Variants in BCAS3 observed in about 807,000 individuals in gnomAD.
The protein encoded by BCAS3 is BCAS3 microtubule associated cell migration factor.
In BCAS3, 53 loss-of-function variants were observed where a neutral mutation model predicts 116.1. The ratio of observed to expected loss-of-function variants is 0.46; its 90% CI spans 0.37 to 0.57. BCAS3 has a LOEUF of 0.57. BCAS3 is among the 20% of genes least tolerant of loss of function. BCAS3 has a pLI of 0.00. For missense variants in BCAS3, 917 were observed against 1,165.4 expected (o/e 0.79, Z 3.10); for synonymous variants, 391 against 408.2 (o/e 0.96, Z 0.51).
intron 22 of BCAS3, among the ~76,000 whole-genome samples, chr17:61,110,227 A>C (rs1386680404): frequency 6.6e-6 from 1 of 152,184 alleles, no homozygotes; most frequent in Non-Finnish European, 1.5e-5. Flanking sequence ...TTTAAAAATT[A>C]TGGGGGGAGG....
At chr17:60,756,319 C>A (rs2042980798) in intron 6 of BCAS3, among the ~76,000 whole-genome samples, 1 of 152,170 alleles carries the variant, frequency 6.6e-6, no homozygotes, top group Non-Finnish European at 1.5e-5. Context: ...TAATGCTCAC[C>A]CACAGGCCAT....
intron 4 of BCAS3, among the ~76,000 whole-genome samples, chr17:60,692,576 T>C (rs1442494450): frequency 6.7e-6 from 1 of 149,350 alleles, no homozygotes; most frequent in East Asian, 1.9e-4. Context: ...GCATGTTGAA[T>C]ATTGAAACAG....
In BCAS3 at chr17:61,200,702, T is replaced by C. The variant is rs1221259790; in HGVS notation, c.2425+116138T>C. On this transcript the variant is annotated intron_variant, in intron 22 of 23. Transcript: ENST00000407086. This position sits in a 1 kb window ranked among gnomAD's most constrained non-coding sequence, Gnocchi z 5.1. ...TAGTATCTTTTTACTATTATCTTGC[T>C]TCTGTTTCAGCCAAAATTTGGATTT... Among the ~76,000 whole-genome samples the C allele has an allele frequency of 1.4e-4, 22 of 152,242 alleles. No individual in the cohort carries two copies. The highest frequency in any genetic ancestry group is 1.4e-3 in the Admixed American group (22 of 15,288).
rs1724097806 is a variant in BCAS3 at position 61,045,894 on chromosome 17, A to ATT, written c.2029+5002_2029+5003insTT. The stretch of plus-strand genomic sequence containing the variant: ...ATATATAAATATATATTATATATAT[A>ATT]ATATATATAAATATATATTTATATA... On this transcript the variant is annotated intron_variant, in intron 19 of 23. Transcript: ENST00000407086. Among the ~76,000 whole-genome samples, 4 of 34,908 alleles carry ATT rather than the reference A, an allele frequency of 1.1e-4. 2 individuals carry two copies. In the African/African-American group the frequency reaches 2.0e-3, roughly 17 times the overall value. The allele number at this position is 34,908 out of a possible 152,430, so 22.9% of individuals were successfully genotyped here. A position where few individuals can be genotyped will look rare whatever the true frequency, so the allele number is the denominator to read the frequency against.
chr17:60,934,760 T>G (rs1478279854), intron 13 of BCAS3, among the ~76,000 whole-genome samples: 1 of 152,224 alleles, frequency 6.6e-6, no homozygotes, highest in Non-Finnish European at 1.5e-5. Flanking sequence ...AGATATATAT[T>G]CATTTCAAAG....
intron 22 of BCAS3, among the ~76,000 whole-genome samples, chr17:61,290,857 T>G (rs2144701857): frequency 6.6e-6 from 1 of 152,288 alleles, no homozygotes; most frequent in East Asian, 1.9e-4. Flanking sequence ...CTCGGCTCAC[T>G]GTGAGCTCCG....
chr17:61,153,212 A>G (rs1240106249), intron 22 of BCAS3, among the ~76,000 whole-genome samples: 1 of 152,100 alleles, frequency 6.6e-6, no homozygotes, highest in Non-Finnish European at 1.5e-5. Flanking sequence ...ATTGTAACTA[A>G]CTTGTTGTTC....
intron 6 of BCAS3, among the ~76,000 whole-genome samples, chr17:60,763,674 C>G (rs1193582870): frequency 6.6e-6 from 1 of 152,174 alleles, no homozygotes; most frequent in Non-Finnish European, 1.5e-5. Context: ...TGTTGTGTCT[C>G]TGCCAGGCTT....
intron 15 of BCAS3, among the ~76,000 whole-genome samples, chr17:61,015,093 A>G (rs765530108): frequency 5.9e-5 from 9 of 152,186 alleles, no homozygotes; most frequent in Admixed American, 2.6e-4. Context: ...TGTAATCCCT[A>G]TCAAAAACTC....
rs1441131580 is a variant in BCAS3 at position 61,171,201 on chromosome 17, A to G, written c.2425+86637A>G. Among the ~76,000 whole-genome samples the G allele has an allele frequency of 6.6e-5, 10 of 152,238 alleles. No homozygotes were observed. The highest frequency in any genetic ancestry group is 6.5e-4 in the Admixed American group (10 of 15,280). On this transcript the variant is annotated intron_variant, in intron 22 of 23. Transcript: ENST00000407086. This position sits in a 1 kb window ranked among gnomAD's most constrained non-coding sequence, Gnocchi z 4.1. Reference sequence around the variant, plus strand: ...GTTCTTACACTGTACATGAAGTGATATAATACATCCTAAATGTGTAGACTT... The same window carrying G: ...GTTCTTACACTGTACATGAAGTGATGTAATACATCCTAAATGTGTAGACTT...
At chr17:61,334,702 G>T (rs532510599) in intron 22 of BCAS3, among the ~76,000 whole-genome samples, 1 of 139,802 alleles carries the variant, frequency 7.2e-6, no homozygotes, top group East Asian at 2.1e-4. Flanking sequence ...CCAAGAAAAC[G>T]ATGTATCCAG....
chr17:61,164,197 G>A (rs1456818759), intron 22 of BCAS3, among the ~76,000 whole-genome samples: 5 of 150,794 alleles, frequency 3.3e-5, no homozygotes, highest in African/African-American at 9.8e-5. Flanking sequence ...TAGTAATTCC[G>A]AATCAATGGC....
Position 61,343,007 on chromosome 17 carries a change from C to T in BCAS3, c.2426-25320C>T, listed in dbSNP as rs1482178557. Among the ~76,000 whole-genome samples the T allele has an allele frequency of 6.6e-6, 1 of 152,194 alleles. No homozygotes were observed. The highest frequency in any genetic ancestry group is 2.4e-5 in the African/African-American group (1 of 41,438). On this transcript the variant is annotated intron_variant, in intron 22 of 23. Transcript: ENST00000407086. This position sits in a 1 kb window ranked among gnomAD's most constrained non-coding sequence, Gnocchi z 5.5. ...TCTCAGATGATCCACCCACCTCGGC[C>T]TCCCAAAGTGCTGGGATTACAGGCG... is the stretch of plus-strand genomic sequence containing the variant.
At position 61,128,405 on chromosome 17, in the gene BCAS3, T is replaced by C. The variant is rs541469144; in HGVS notation, c.2425+43841T>C. 6.4e-5 allele frequency: 63 copies of C among 985,394 alleles called. No homozygotes were observed. The African/African-American group carries it at 9.1e-4, about 14-fold the overall frequency. 61.0% of individuals were successfully genotyped at this position (985,394 alleles called of 1,614,324 possible). A position where few individuals can be genotyped will look rare whatever the true frequency, so the allele number is the denominator to read the frequency against. On this transcript the variant is annotated intron_variant, in intron 22 of 23. Coordinates refer to ENST00000407086, the MANE Select transcript of BCAS3 (RefSeq NM_017679.5). The surrounding 1 kb of genome is among the most constrained non-coding windows in gnomAD (Gnocchi z 4.1). ...GTGAAAGGTGGGACACCAGTAGATATACATTCAGACAAATCACCCTGCAGT... is the reference window on the plus strand; with the variant it reads ...GTGAAAGGTGGGACACCAGTAGATACACATTCAGACAAATCACCCTGCAGT...
rs993520943 is a variant in BCAS3, at chr17:61,276,307, C to T, written c.2426-92020C>T. On this transcript the variant is annotated intron_variant, in intron 22 of 23. Coordinates refer to ENST00000407086, the MANE Select transcript of BCAS3 (RefSeq NM_017679.5). The surrounding 1 kb of genome is among the most constrained non-coding windows in gnomAD (Gnocchi z 4.2). ...GGCAGAGGTTGCAGTGAGCCAAGAT[C>T]ATGCCATTGCACTCCAGCCTGGGCT... Among the ~76,000 whole-genome samples the T allele has an allele frequency of 2.0e-5, 3 of 151,992 alleles. No individual in the cohort carries two copies. Among genetic ancestry groups the T allele is most frequent in the African/African-American group, 7.3e-5 (3 of 41,348 alleles).
chr17:61,391,914 G>T lies in BCAS3; in HGVS notation c.2594-63G>T. ...GCCTCAAGGCAGGCAGCCTGGCCCA[G>T]ATGGTGCCCCCACTCCCCAGACCCA... On this transcript the variant is annotated intron_variant, in intron 23 of 23. Transcript: ENST00000407086. The surrounding 1 kb of genome is among the most constrained non-coding windows in gnomAD (Gnocchi z 7.7). 1 of 1,567,806 alleles carries T rather than the reference G, an allele frequency of 6.4e-7. No individual in the cohort carries two copies. The highest frequency in any genetic ancestry group is 8.7e-7 in the Non-Finnish European group (1 of 1,155,246).
chr17:60,757,545 G>A (rs1040583694), intron 6 of BCAS3, among the ~76,000 whole-genome samples: 12 of 151,510 alleles, frequency 7.9e-5, no homozygotes, highest in East Asian at 3.9e-4. Context: ...TCCTGTATAC[G>A]TATTGGCCAT....
intron 22 of BCAS3, among the ~76,000 whole-genome samples, chr17:61,334,734 C>T (rs1461498293): frequency 1.4e-5 from 2 of 147,580 alleles, no homozygotes; most frequent in Non-Finnish European, 3.0e-5. Context: ...ATGTCTTACA[C>T]ATAATAGATC....
chr17:61,118,713 T>G lies in BCAS3; in HGVS notation c.2425+34149T>G, dbSNP rs1353080580. Among the ~76,000 whole-genome samples the G allele has an allele frequency of 6.6e-6, 1 of 152,134 alleles. No homozygotes were observed. Among genetic ancestry groups the G allele is most frequent in the Non-Finnish European group, 1.5e-5 (1 of 68,028 alleles). ...GTTTCTGTCTTGCTAGGCTACACAT[T>G]CCTGTTTTTTTTGGCAAGAGAGAGC... On this transcript the variant is annotated intron_variant, in intron 22 of 23. Coordinates refer to ENST00000407086, the MANE Select transcript of BCAS3 (RefSeq NM_017679.5). This position sits in a 1 kb window ranked among gnomAD's most constrained non-coding sequence, Gnocchi z 5.0.
Sources: gnomAD v4.1 joint callset for allele counts (sites outside exome capture counted in the v4.1 genomes callset) on GRCh38, gnomAD v4.1.1 for gene constraint, Gnocchi (gnomAD v3.1) non-coding constraint, MANE v1.5 for transcripts, NCBI Gene and HGNC (gene_info 2026-07-23, HGNC 2026-07-21) for gene names.